Variants in MTO1 observed in about 807,000 individuals in gnomAD.
MTO1 encodes the protein 5-taurinomethyluridine-[tRNA] synthase subunit MTO1, mitochondrial.
MTO1 carries 46 observed loss-of-function variants against 71.6 expected under a neutral mutation model. That is an observed-to-expected ratio of 0.64 (90% CI 0.51 to 0.82). MTO1 has a LOEUF of 0.82. MTO1 is among the 40% of genes least tolerant of loss of function. The probability of loss-of-function intolerance (pLI) is 0.00; values close to 1 mark genes in which losing one functional copy is unlikely to be tolerated. For missense variants in MTO1, 773 were observed against 867.5 expected, an observed-to-expected ratio of 0.89 and a Z score of 1.37; for synonymous variants, 297 against 312.1, an observed-to-expected ratio of 0.95 and a Z score of 0.51.
chr6:73,482,821 T>C (rs1405054356), intron 9 of MTO1, among the ~76,000 whole-genome samples: 5 of 133,408 alleles, frequency 3.7e-5, no homozygotes, highest in Non-Finnish European at 7.9e-5. Flanking sequence ...TGAGACAGTC[T>C]CGCTCTTTCA....
chr6:73,478,563 C>T lies in MTO1; in HGVS notation c.826-1169C>T, dbSNP rs111349712. ...GATAACCCTTTCTTCTTTTTTGAGA[C>T]AGAGTCTTGCCCAGGCTAGAGTGCA... On this transcript the variant is annotated intron_variant, in intron 4 of 11. Transcript: ENST00000498286. Among the ~76,000 whole-genome samples, 279 of 152,256 alleles carry T rather than the reference C, an allele frequency of 1.8e-3. 3 individuals carry two copies. Among genetic ancestry groups the T allele is most frequent in the African/African-American group, 6.3e-3 (261 of 41,576 alleles).
rs879871707 is a variant in MTO1, at chr6:73,498,731, C to CT, written c.1917+847dup. Among the ~76,000 whole-genome samples, 82 of 145,948 alleles carry CT rather than the reference C, an allele frequency of 5.6e-4. 2 individuals are homozygous for CT. The highest frequency in any genetic ancestry group is 1.5e-3 in the South Asian group (7 of 4,626). On this transcript the variant is annotated intron_variant, in intron 11 of 11. Coordinates refer to ENST00000498286, the MANE Select transcript of MTO1 (RefSeq NM_012123.4). ...CATTTTAACATCTCTAAAATTGCAT[C>CT]TTTTTTTTTTTTGAAATGGAGTCTC...
chr6:73,493,831 T>G (rs933461473), intron 10 of MTO1, among the ~76,000 whole-genome samples: 4 of 152,196 alleles, frequency 2.6e-5, no homozygotes, highest in Non-Finnish European at 4.4e-5. Context: ...TGACAAATAC[T>G]TACTTTGTAT....
intron 4 of MTO1, among the ~76,000 whole-genome samples, chr6:73,478,495 G>A (rs1376721421): frequency 6.6e-6 from 1 of 152,120 alleles, no homozygotes; most frequent in Non-Finnish European, 1.5e-5. Flanking sequence ...GTTACTTTGA[G>A]CAAGATACTT....
chr6:73,508,340 C>T lies in MTO1; in HGVS notation c.*7605C>T, dbSNP rs986458635. The stretch of plus-strand genomic sequence containing the variant: ...TTTTAGTCTTTAATTATGTTGGTTG[C>T]TTTTAGAATTCTCTTTTAGAGTTGG... On this transcript the variant is annotated 3_prime_UTR_variant, in exon 12 of 12. Coordinates refer to ENST00000498286, the MANE Select transcript of MTO1 (RefSeq NM_012123.4). 6 of 152,054 alleles carry T rather than the reference C, an allele frequency of 3.9e-5. No individual in the cohort carries two copies. The highest frequency in any genetic ancestry group is 7.2e-5 in the African/African-American group (3 of 41,408). 9.4% of individuals were successfully genotyped at this position (152,054 alleles called of 1,614,324 possible).
At position 73,504,586 on chromosome 6, in the gene MTO1, A is replaced by G. The variant is rs1258143142; in HGVS notation, c.*3851A>G. The G allele has an allele frequency of 6.6e-6, 1 of 152,254 alleles. No homozygotes were observed. The highest frequency in any genetic ancestry group is 2.4e-5 in the African/African-American group (1 of 41,474). The allele number at this position is 152,254 out of a possible 1,614,324, so 9.4% of individuals were successfully genotyped here. ...TTACTAAAACTCAAGTGAATAATTAAATGAGATCAAAATATTTGTGACAGG... is the reference window on the plus strand; with the variant it reads ...TTACTAAAACTCAAGTGAATAATTAGATGAGATCAAAATATTTGTGACAGG... On this transcript the variant is annotated 3_prime_UTR_variant, in exon 12 of 12. Transcript: ENST00000498286.
chr6:73,498,602 A>T (rs1309947343), intron 11 of MTO1, among the ~76,000 whole-genome samples: 1 of 152,106 alleles, frequency 6.6e-6, no homozygotes, highest in East Asian at 1.9e-4. Context: ...TTGTGTAAAC[A>T]AATAAACTTT....
chr6:73,482,344 A>G (rs1771527184), intron 8 of MTO1, 100 bp downstream of exon 8: 3 of 1,550,944 alleles, frequency 1.9e-6, no homozygotes, highest in Non-Finnish European at 2.7e-6. Flanking sequence ...ACTTGAGGCC[A>G]GGAGTTTAGG....
intron 9 of MTO1, among the ~76,000 whole-genome samples, chr6:73,483,428 A>G (rs1392504841): frequency 6.6e-6 from 1 of 150,922 alleles, no homozygotes; most frequent in Non-Finnish European, 1.5e-5. Context: ...AAAATCACAT[A>G]TATATATATA....
chr6:73,496,744 A>G (rs1489667823), intron 10 of MTO1, among the ~76,000 whole-genome samples: 2 of 150,726 alleles, frequency 1.3e-5, no homozygotes, highest in Non-Finnish European at 2.9e-5. Context: ...GGTTCAAAAA[A>G]CCATTTTCTT....
chr6:73,472,201 T>C (rs1414076549), intron 3 of MTO1, among the ~76,000 whole-genome samples: 2 of 152,198 alleles, frequency 1.3e-5, no homozygotes, highest in African/African-American at 2.4e-5. Context: ...ATCTCCCCTC[T>C]GCTAGATGAG....
intron 9 of MTO1, among the ~76,000 whole-genome samples, chr6:73,485,375 G>A (rs576789775): frequency 3.9e-5 from 6 of 151,958 alleles, no homozygotes; most frequent in Non-Finnish European, 7.4e-5. Flanking sequence ...TTTCCCTTCA[G>A]GAGGAATCAG....
At chr6:73,463,154 G>A (rs767443052) in intron 1 of MTO1, among the ~76,000 whole-genome samples, 1 of 151,786 alleles carries the variant, frequency 6.6e-6, no homozygotes, top group Non-Finnish European at 1.5e-5. Context: ...CTCCCGAGTA[G>A]CTGGGATTAC....
chr6:73,482,071 G>A lies in MTO1; in HGVS notation c.1292G>A (p.Arg431Gln), dbSNP rs367815963. 1.1e-5 allele frequency: 17 copies of A among 1,613,874 alleles called. No individual in the cohort carries two copies. Among genetic ancestry groups the A allele is most frequent in the East Asian group, 4.5e-5 (2 of 44,884 alleles). ...GVIAGINASL[R>Q]VSRKPPFVVS... Reference sequence around the variant, plus strand: ...ATAGCCGGAATCAACGCCAGTCTTCGGGTCAGTCGCAAGCCTCCCTTTGTG... The same window carrying A: ...ATAGCCGGAATCAACGCCAGTCTTCAGGTCAGTCGCAAGCCTCCCTTTGTG... Residue 431 changes from arginine to glutamine, a missense_variant, in exon 8 of 12, where the codon CGG (arginine) becomes CAG (glutamine). By Grantham distance (43) the Arg-to-Gln change is conservative. Transcript: ENST00000498286.
At chr6:73,469,633 A>T in intron 3 of MTO1, among the ~76,000 whole-genome samples, 1 of 68,486 alleles carries the variant, frequency 1.5e-5, no homozygotes. Flanking sequence ...TAAATAAATA[A>T]ATAAGGCGCT....
At chr6:73,468,673 T>C (rs141324401) in intron 3 of MTO1, among the ~76,000 whole-genome samples, 1,601 of 151,910 alleles carry the variant, frequency 0.011, 25 homozygotes, top group African/African-American at 0.037. Flanking sequence ...AGTGGTACGA[T>C]CTTGGCTCAC....
rs1772274867 is a variant in MTO1 at position 73,506,015 on chromosome 6, G to C, written c.*5280G>C. ...TTTTCTTGAGACGGAGTCTCGCTCT[G>C]TCACTCAGGCTAGAGTGCAGTGGCA... On this transcript the variant is annotated 3_prime_UTR_variant, in exon 12 of 12. Transcript: ENST00000498286. 1 of 151,974 alleles carries C rather than the reference G, an allele frequency of 6.6e-6. No individual in the cohort carries two copies. Among genetic ancestry groups the C allele is most frequent in the Admixed American group, 6.6e-5 (1 of 15,236 alleles). The allele number at this position is 151,974 out of a possible 1,614,324, so 9.4% of individuals were successfully genotyped here.
At chr6:73,478,171 G>A (rs557659044) in intron 4 of MTO1, among the ~76,000 whole-genome samples, 18 of 151,912 alleles carry the variant, frequency 1.2e-4, no homozygotes, top group South Asian at 2.1e-4. Context: ...GCTTGAACCC[G>A]GGAGGCAGAG....
At position 73,462,040 on chromosome 6, in the gene MTO1, T is replaced by C. The variant is rs770352406; in HGVS notation, c.186T>C (p.Thr62=). The C allele has an allele frequency of 6.2e-7, 1 of 1,614,000 alleles. No individual in the cohort carries two copies. The highest frequency in any genetic ancestry group is 8.5e-7 in the Non-Finnish European group (1 of 1,179,966). Residue 62 remains threonine, a synonymous_variant, in exon 1 of 12, where the codon ACT becomes ACC. Transcript: ENST00000498286. ...ATAAARCGSR[T]LLLTHRVDTI... ...CCGCCGCTCGGTGCGGCTCTCGGAC[T>C]CTGCTCCTCACTCACCGCGTGGACA...
Sources: gnomAD v4.1 joint callset for allele counts (sites outside exome capture counted in the v4.1 genomes callset) on GRCh38, gnomAD v4.1.1 for gene constraint, MANE v1.5 for transcripts, NCBI Gene and HGNC (gene_info 2026-07-23, HGNC 2026-07-21) for gene names.